Variants in DOCK3 observed in about 807,000 individuals in gnomAD.
DOCK3 encodes dedicator of cytokinesis protein 3.
DOCK3 carries 60 observed loss-of-function variants against 265.6 expected under a neutral mutation model. The ratio of observed to expected loss-of-function variants is 0.23; its 90% confidence interval spans 0.18 to 0.28. The LOEUF (loss-of-function observed/expected upper bound fraction) is 0.28. Ranked by LOEUF, DOCK3 falls within the 10% of genes least tolerant of loss-of-function variation. The pLI is 1.00. For synonymous variants in DOCK3, 881 were observed against 938.0 expected, an observed-to-expected ratio of 0.94 and a Z score of 1.11; for missense variants, 1,981 against 2,594.3, an observed-to-expected ratio of 0.76 and a Z score of 5.14.
At position 51,342,233 on chromosome 3, in the gene DOCK3, A is replaced by G. The variant is rs535616853; in HGVS notation, c.3915+848A>G. On this transcript the variant is annotated intron_variant, in intron 38 of 52. Coordinates refer to ENST00000266037, the MANE Select transcript of DOCK3 (RefSeq NM_004947.5). ...ATCAGAAAACATTCTTCAGTTTTAC[A>G]TAACATGGGGGACTTCTATGTTTGT... Among the ~76,000 whole-genome samples the G allele has an allele frequency of 3.9e-5, 6 of 152,376 alleles. No homozygotes were observed. The South Asian group carries it at 1.2e-3, about 32-fold the overall frequency.
intron 25 of DOCK3, 39 bp from the exon 26 acceptor site, chr3:51,277,569 C>G (rs943737284): frequency 6.7e-7 from 1 of 1,496,070 alleles, no homozygotes; most frequent in South Asian, 1.4e-5. Context: ...TTCAGCCTGG[C>G]TTGCTGCTAA....
At chr3:51,349,892 T>G (rs2085860677) in intron 39 of DOCK3, among the ~76,000 whole-genome samples, 1 of 152,174 alleles carries the variant, frequency 6.6e-6, no homozygotes, top group Non-Finnish European at 1.5e-5. Flanking sequence ...ACAAGCAACC[T>G]AGTCAGAGGT....
chr3:51,068,538 T>TG (rs2081706773), intron 6 of DOCK3, among the ~76,000 whole-genome samples: 19 of 6,680 alleles, frequency 2.8e-3, no homozygotes, highest in African/African-American at 3.9e-3. Flanking sequence ...AGACTCCGTC[T>TG]GAAAAAAAAA....
Position 50,720,141 on chromosome 3 carries a change from A to T in DOCK3, c.37+44841A>T, listed in dbSNP as rs369603855. On this transcript the variant is annotated intron_variant, in intron 1 of 52. Transcript: ENST00000266037. ...GGTGTTACCTGGAATCTTTTTTTTTAAAAATTTTTATTTTAGGTCCAGAGG... is the reference window on the plus strand; with the variant it reads ...GGTGTTACCTGGAATCTTTTTTTTTTAAAATTTTTATTTTAGGTCCAGAGG... Among the ~76,000 whole-genome samples the T allele has an allele frequency of 3.2e-3, 486 of 151,892 alleles. 4 individuals are homozygous for T. The highest frequency in any genetic ancestry group is 9.3e-3 in the African/African-American group (384 of 41,470).
At chr3:51,362,124 C>A in intron 48 of DOCK3, 127 bp downstream of exon 48, 1 of 1,237,406 alleles carries the variant, frequency 8.1e-7, no homozygotes, top group Non-Finnish European at 1.1e-6. Context: ...TCAGAACACC[C>A]CTCACCAGAG....
intron 27 of DOCK3, among the ~76,000 whole-genome samples, chr3:51,308,472 C>T (rs1342791195): frequency 2.6e-5 from 4 of 151,106 alleles, no homozygotes; most frequent in South Asian, 2.1e-4. Flanking sequence ...CATCTTGCAC[C>T]GCCCTTAATC....
At chr3:51,271,188 C>CCTA (rs535723959) in intron 24 of DOCK3, among the ~76,000 whole-genome samples, 181 bp downstream of exon 24, 60 of 152,314 alleles carry the variant, frequency 3.9e-4, no homozygotes, top group African/African-American at 1.4e-3. Context: ...AAGACCTAGG[C>CCTA]CTACTGCCTT....
intron 6 of DOCK3, among the ~76,000 whole-genome samples, chr3:51,067,427 T>TTGTGTGTGTGTGTGTGTG (rs60551624): frequency 0.017 from 2,417 of 144,136 alleles, 94 homozygotes; most frequent in African/African-American, 0.058. Context: ...TGAAATATGT[T>TTGTGTGTGTGTGTGTGTG]TGTGTGTGTG....
intron 5 of DOCK3, among the ~76,000 whole-genome samples, chr3:51,011,393 C>T (rs1191786397): frequency 1.3e-5 from 2 of 152,170 alleles, no homozygotes; most frequent in Non-Finnish European, 2.9e-5. Flanking sequence ...GTCACTGATA[C>T]CCTTTCTTCC....
intron 32 of DOCK3, 117 bp from the exon 33 acceptor site, chr3:51,330,021 G>A: frequency 1.0e-6 from 1 of 999,070 alleles, no homozygotes; most frequent in South Asian, 1.5e-5. Flanking sequence ...GGATTTCTTT[G>A]GAGCAAGGAC....
chr3:51,053,076 A>AAGATAT (rs2081053409), intron 5 of DOCK3, among the ~76,000 whole-genome samples: 1 of 34,550 alleles, frequency 2.9e-5, no homozygotes. Context: ...AAAAAAGTCA[A>AAGATAT]AGATATATAT....
At chr3:50,941,556 C>A (rs2076296411) in intron 5 of DOCK3, among the ~76,000 whole-genome samples, 2 of 152,026 alleles carry the variant, frequency 1.3e-5, no homozygotes, top group South Asian at 4.1e-4. Context: ...CCATCACATT[C>A]CTGTGTTTTT....
intron 27 of DOCK3, among the ~76,000 whole-genome samples, chr3:51,282,866 T>C (rs2081205973): frequency 6.6e-6 from 1 of 152,106 alleles, no homozygotes; most frequent in Non-Finnish European, 1.5e-5. Flanking sequence ...ATAAGAAACC[T>C]GGACAAAGAC....
intron 31 of DOCK3, among the ~76,000 whole-genome samples, chr3:51,313,505 C>T (rs1181228856): frequency 6.6e-6 from 1 of 152,172 alleles, no homozygotes; most frequent in Non-Finnish European, 1.5e-5. Flanking sequence ...CTAAATTTGT[C>T]AGATCAGTGT....
chr3:51,258,468 T>C (rs999003852), intron 22 of DOCK3, among the ~76,000 whole-genome samples: 2 of 152,202 alleles, frequency 1.3e-5, no homozygotes, highest in African/African-American at 2.4e-5. Flanking sequence ...CTTAATTCTT[T>C]TCATTTTCTG....
In DOCK3 at chr3:51,312,568, T is replaced by A; in HGVS notation, c.3186T>A (p.Ile1062=). 2 of 1,586,218 alleles carry A rather than the reference T, an allele frequency of 1.3e-6. No individual in the cohort carries two copies. The highest frequency in any genetic ancestry group is 1.7e-6 in the Non-Finnish European group (2 of 1,172,440). ...TCACCTCAGCCAAAAGGAAGAAGATTCTAGATAAGTAAGATAAACGTCTTA... is the reference window on the plus strand; with the variant it reads ...TCACCTCAGCCAAAAGGAAGAAGATACTAGATAAGTAAGATAAACGTCTTA... ...EIITSAKRKK[I]LDKYGDMRVM... The change falls in exon 30 of 53, where the codon ATT becomes ATA. Residue 1062 remains isoleucine (I), a synonymous_variant. Coordinates refer to ENST00000266037, the MANE Select transcript of DOCK3 (RefSeq NM_004947.5).
intron 1 of DOCK3, among the ~76,000 whole-genome samples, chr3:50,734,702 A>G (rs2038464275): frequency 7.5e-6 from 1 of 133,886 alleles, no homozygotes; most frequent in South Asian, 2.6e-4. Flanking sequence ...TCCTGGGTTC[A>G]TGCCATTCTC....
chr3:50,804,557 C>T (rs547933574), intron 2 of DOCK3, among the ~76,000 whole-genome samples: 24 of 152,244 alleles, frequency 1.6e-4, no homozygotes, highest in Middle Eastern at 3.4e-3. Flanking sequence ...GCTAACACGG[C>T]GAAACCCCAT....
At chr3:51,197,427 C>T (rs141185662) in intron 12 of DOCK3, among the ~76,000 whole-genome samples, 4 of 152,280 alleles carry the variant, frequency 2.6e-5, no homozygotes, top group African/African-American at 7.2e-5. Context: ...TCTCTGGGTC[C>T]TGAGTGATGT....
Sources: gnomAD v4.1 joint callset for allele counts (sites outside exome capture counted in the v4.1 genomes callset) on GRCh38, gnomAD v4.1.1 for gene constraint, MANE v1.5 for transcripts, NCBI Gene and HGNC (gene_info 2026-07-23, HGNC 2026-07-21) for gene names.